The following MACROD1 variants were observed in gnomAD, a reference collection of about 807,000 sequenced individuals.
MACROD1 encodes mono-ADP ribosylhydrolase 1.
A neutral mutation model predicts 41.4 loss-of-function variants in MACROD1; 31 were observed. That is an observed-to-expected ratio of 0.75 (90% CI 0.56 to 1.01). MACROD1 has a LOEUF of 1.01. Among genes scored for constraint, MACROD1 ranks in the 50% least tolerant of loss-of-function variants. The pLI is 0.00. For synonymous variants in MACROD1, 252 were observed against 203.4 expected (o/e 1.24, Z -2.03); for missense variants, 473 against 460.0 (o/e 1.03, Z -0.26).
chr11:64,139,887 C>T (rs1945386955), intron 3 of MACROD1, among the ~76,000 whole-genome samples: 3 of 150,296 alleles, frequency 2.0e-5, no homozygotes, highest in Non-Finnish European at 2.9e-5. Flanking sequence ...ACCTGGGAGG[C>T]GAAGCTTGCA....
intron 3 of MACROD1, among the ~76,000 whole-genome samples, 157 bp from the exon 4 acceptor site, chr11:64,015,438 C>T (rs769195662): frequency 6.6e-6 from 1 of 152,032 alleles, no homozygotes; most frequent in Non-Finnish European, 1.5e-5. Context: ...CGGTAGTAGA[C>T]GATGGTGAAG....
At chr11:64,097,703 C>G (rs1166321711) in intron 3 of MACROD1, among the ~76,000 whole-genome samples, 2 of 152,236 alleles carry the variant, frequency 1.3e-5, no homozygotes, top group Non-Finnish European at 2.9e-5. Flanking sequence ...CCCTGCTACT[C>G]GGGTGCCATG....
chr11:64,165,792 G>T lies in MACROD1; in HGVS notation c.203C>A (p.Ala68Glu). 1 of 1,483,386 alleles carries T rather than the reference G, an allele frequency of 6.7e-7. No homozygotes were observed. The highest frequency in any genetic ancestry group is 8.9e-7 in the Non-Finnish European group (1 of 1,120,294). The allele number at this position is 1,483,386 out of a possible 1,614,324, so 91.9% of individuals were successfully genotyped here. ...SAGVGAWGAA[A>E]VGRTAGVRTW... ...GCGCACCCCGGCTGTCCGCCCCACC[G>T]CCGCCGCCCCCCACGCCCCAACTCC... Residue 68 changes from alanine to glutamate, a missense_variant, in exon 1 of 11, where the codon GCG becomes GAG. By Grantham distance (107) the Ala-to-Glu change is moderately radical. Transcript: ENST00000255681.
At position 64,061,763 on chromosome 11, in the gene MACROD1, G is replaced by A. The variant is rs938059084; in HGVS notation, c.518-46482C>T. ...CACCCAAGCTGGAGTGCAATGGCAC[G>A]ATCACAGCTCACTGCAGCCTCAACT... On this transcript the variant is annotated intron_variant, in intron 3 of 10. Transcript: ENST00000255681. 4.0e-5 allele frequency among the ~76,000 whole-genome samples: 6 copies of A among 150,208 alleles called. No homozygotes were observed. In the East Asian group the frequency reaches 7.8e-4, roughly 20 times the overall value.
At chr11:64,034,472 G>C (rs79899383) in intron 3 of MACROD1, among the ~76,000 whole-genome samples, 16 of 152,374 alleles carry the variant, frequency 1.1e-4, no homozygotes, top group African/African-American at 3.8e-4. Flanking sequence ...GGAGTTAAGG[G>C]GAGGGAAATT....
At chr11:64,117,736 C>G (rs113441416) in intron 3 of MACROD1, 4 of 1,613,902 alleles carry the variant, frequency 2.5e-6, no homozygotes, top group African/African-American at 2.7e-5. Context: ...GGGGACAAGA[C>G]AGAGTACCTG....
At chr11:64,113,993 T>G (rs1380455391) in intron 3 of MACROD1, among the ~76,000 whole-genome samples, 2 of 148,218 alleles carry the variant, frequency 1.3e-5, no homozygotes, top group African/African-American at 5.0e-5. Context: ...ATTGGATGGA[T>G]GAATGGACAG....
chr11:64,135,018 A>G lies in MACROD1; in HGVS notation c.517+16221T>C, dbSNP rs1024790522. Among the ~76,000 whole-genome samples the G allele has an allele frequency of 3.0e-4, 45 of 152,086 alleles. 1 individual carries two copies. The highest frequency in any genetic ancestry group is 1.1e-3 in the Admixed American group (17 of 15,274). ...CCCCTGCCTGGCTCCCGATCAGCCA[A>G]CTCTGCCAGAAGATGAGGCATCTCC... On this transcript the variant is annotated intron_variant, in intron 3 of 10. Coordinates refer to ENST00000255681, the MANE Select transcript of MACROD1 (RefSeq NM_014067.4).
chr11:64,016,573 C>T (rs1943084147), intron 3 of MACROD1, among the ~76,000 whole-genome samples: 1 of 152,258 alleles, frequency 6.6e-6, no homozygotes, highest in African/African-American at 2.4e-5. Context: ...GGCATGGACG[C>T]TGCTAAGTGG....
Position 64,096,418 on chromosome 11 carries a change from CT to C in MACROD1, c.517+54820del, listed in dbSNP as rs374032073. 8.4e-4 allele frequency among the ~76,000 whole-genome samples: 122 copies of C among 145,420 alleles called. No homozygotes were observed. The highest frequency in any genetic ancestry group is 6.4e-4 in the Non-Finnish European group (42 of 65,632). ...AGGCAAGTGGTCGTTCCTGTCCCCT[CT>C]TTTTTTTTTTTGAGACTGAGTCTCG... On this transcript the variant is annotated intron_variant, in intron 3 of 10. Transcript: ENST00000255681. The surrounding 1 kb of genome is among the most constrained non-coding windows in gnomAD (Gnocchi z 4.6).
chr11:64,100,588 GC>G (rs1315274674), intron 3 of MACROD1, among the ~76,000 whole-genome samples: 2 of 152,184 alleles, frequency 1.3e-5, no homozygotes, highest in Non-Finnish European at 2.9e-5. Flanking sequence ...TGTCTGCCAG[GC>G]GCACGCATTT....
intron 3 of MACROD1, among the ~76,000 whole-genome samples, chr11:64,150,874 G>A (rs1368990070): frequency 2.0e-5 from 3 of 152,178 alleles, no homozygotes; most frequent in Admixed American, 6.5e-5. Flanking sequence ...GCGGGGGCAG[G>A]CCAGGCCAAA....
At chr11:64,021,609 C>A (rs1383384351) in intron 3 of MACROD1, among the ~76,000 whole-genome samples, 1 of 152,116 alleles carries the variant, frequency 6.6e-6, no homozygotes, top group African/African-American at 2.4e-5. Context: ...CTGCTCTGGG[C>A]CTCACCCTGG....
chr11:64,021,729 C>T (rs770888621), intron 3 of MACROD1, among the ~76,000 whole-genome samples: 7 of 151,952 alleles, frequency 4.6e-5, no homozygotes, highest in East Asian at 2.0e-4. Flanking sequence ...CCTTGTGAGC[C>T]GGATCTCAGC....
At chr11:64,070,902 G>C (rs1047895787) in intron 3 of MACROD1, among the ~76,000 whole-genome samples, 13 of 152,082 alleles carry the variant, frequency 8.5e-5, no homozygotes, top group African/African-American at 2.4e-4. Context: ...TTGGGGAAGG[G>C]GTACCCATGG....
intron 3 of MACROD1, among the ~76,000 whole-genome samples, chr11:64,100,250 G>A (rs1355300967): frequency 1.3e-5 from 2 of 152,182 alleles, no homozygotes; most frequent in East Asian, 1.9e-4. Context: ...CGGCCAAAAC[G>A]CAGAGGGTGG....
chr11:64,129,276 CAT>C (rs1945231112), intron 3 of MACROD1, among the ~76,000 whole-genome samples: 1 of 152,270 alleles, frequency 6.6e-6, no homozygotes, highest in Non-Finnish European at 1.5e-5. Flanking sequence ...CCAGTTACCA[CAT>C]GTGCTACTCA....
chr11:64,084,879 C>T (rs1471545634), intron 3 of MACROD1, among the ~76,000 whole-genome samples: 1 of 152,230 alleles, frequency 6.6e-6, no homozygotes, highest in Non-Finnish European at 1.5e-5. Context: ...ACAGGGAGAG[C>T]TGCGTGTGTG....
chr11:64,060,219 C>A (rs1014415071), intron 3 of MACROD1, among the ~76,000 whole-genome samples: 4 of 152,386 alleles, frequency 2.6e-5, no homozygotes, highest in African/African-American at 9.6e-5. Flanking sequence ...GCCCACATTT[C>A]AAGCGGCCTG....
Sources: gnomAD v4.1 joint callset for allele counts (sites outside exome capture counted in the v4.1 genomes callset) on GRCh38, gnomAD v4.1.1 for gene constraint, Gnocchi (gnomAD v3.1) non-coding constraint, MANE v1.5 for transcripts, NCBI Gene and HGNC (gene_info 2026-07-23, HGNC 2026-07-21) for gene names.